The following DGKH variants were observed in gnomAD, a reference collection of about 807,000 sequenced individuals.
DGKH encodes the protein DAG kinase eta.
Under a neutral mutation model 159.3 loss-of-function variants are expected in DGKH, and 90 were observed. That is an observed-to-expected ratio of 0.57 (90% CI 0.48 to 0.67). DGKH has a LOEUF of 0.67. Among genes scored for constraint, DGKH ranks in the 30% least tolerant of loss-of-function variants. The pLI, the probability that DGKH is intolerant of heterozygous loss-of-function variation, is 0.00. For missense variants in DGKH, 1,181 were observed against 1,506.1 expected (o/e 0.78, Z 3.57); for synonymous variants, 536 against 553.8 (o/e 0.97, Z 0.45).
chr13:42,227,251 T>G (rs1958156165), intron 29 of DGKH, among the ~76,000 whole-genome samples: 1 of 152,180 alleles, frequency 6.6e-6, no homozygotes, highest in Non-Finnish European at 1.5e-5. Flanking sequence ...ACATGTATCC[T>G]GGAACTTAAA....
chr13:42,117,074 G>A (rs1436874931), intron 1 of DGKH, among the ~76,000 whole-genome samples: 1 of 152,158 alleles, frequency 6.6e-6, no homozygotes, highest in Non-Finnish European at 1.5e-5. Flanking sequence ...CTAAATGGCA[G>A]TTAATACAAA....
At chr13:42,194,735 G>A in intron 16 of DGKH, 150 bp from the exon 17 acceptor site, 1 of 879,678 alleles carries the variant, frequency 1.1e-6, no homozygotes, top group Non-Finnish European at 1.6e-6. Context: ...CTCCATGTAA[G>A]TCTCAAGAAA....
intron 11 of DGKH, among the ~76,000 whole-genome samples, chr13:42,172,604 T>C (rs889768789): frequency 7.2e-5 from 11 of 152,244 alleles, no homozygotes; most frequent in African/African-American, 1.9e-4. Context: ...AGCTGTGTTA[T>C]GCTTTTCTTA....
chr13:42,086,073 A>C (rs1954295640), intron 1 of DGKH, among the ~76,000 whole-genome samples: 1 of 152,012 alleles, frequency 6.6e-6, no homozygotes, highest in Admixed American at 6.6e-5. Context: ...ATGCACCACT[A>C]CACCCACCTA....
rs377502441 is a variant in DGKH at position 42,187,086 on chromosome 13, G to T, written c.1576G>T (p.Val526Leu). Residue 526 changes from valine (V) to leucine (L), a missense_variant, in exon 14 of 30, where the codon GTA (valine) becomes TTA (leucine). Physicochemically the swap from Val to Leu is conservative, Grantham distance 32 (BLOSUM62 1). Transcript: ENST00000337343. ...CETVKDFVAK[V>L]EKTYDKTLEN... is the part of the protein sequence containing the mutation. ...AACTGTAAAGGACTTCGTTGCCAAA[G>T]TAGAAAAGACGTATGACAAAACCTT... The T allele has an allele frequency of 9.3e-6, 15 of 1,613,994 alleles. No homozygotes were observed. The highest frequency in any genetic ancestry group is 1.3e-5 in the Non-Finnish European group (15 of 1,179,994).
At chr13:42,082,665 T>C (rs535822920) in intron 1 of DGKH, among the ~76,000 whole-genome samples, 1 of 152,322 alleles carries the variant, frequency 6.6e-6, no homozygotes, top group South Asian at 2.1e-4. Flanking sequence ...TATTTTCAAG[T>C]CACCATTTTC....
chr13:42,219,712 GAAC>G lies in DGKH; in HGVS notation c.3365_3367del (p.Asn1122del), dbSNP rs553345635. 9.9e-5 allele frequency: 160 copies of G among 1,613,676 alleles called. No homozygotes were observed. The African/African-American group carries it at 1.7e-3, about 17-fold the overall frequency. On this transcript the variant is annotated inframe_deletion, in exon 28 of 30. Coordinates refer to ENST00000337343, the MANE Select transcript of DGKH (RefSeq NM_178009.5). ...AACCTCCTATGGATTGCACCAAAAG[GAAC>G]AACAGAAGCACCGTATTTCGAATAG...
upstream of DGKH, among the ~76,000 whole-genome samples, chr13:42,044,692 G>A (rs533853069): frequency 1.3e-5 from 2 of 152,146 alleles, no homozygotes; most frequent in African/African-American, 4.8e-5. Flanking sequence ...TTAAATAAAC[G>A]ATCAGCCTTA....
intron 1 of DGKH, among the ~76,000 whole-genome samples, chr13:42,084,156 A>G (rs1185264517): frequency 6.6e-6 from 1 of 152,230 alleles, no homozygotes; most frequent in Non-Finnish European, 1.5e-5. Context: ...TATTTAATAT[A>G]AAAGACAATA....
intron 1 of DGKH, among the ~76,000 whole-genome samples, chr13:42,119,973 T>A (rs1331726705): frequency 6.6e-6 from 1 of 152,216 alleles, no homozygotes; most frequent in African/African-American, 2.4e-5. Context: ...GATACTTCCT[T>A]TCTACTGTGG....
chr13:42,045,076 G>A (rs1312169040), upstream of DGKH, among the ~76,000 whole-genome samples: 1 of 152,184 alleles, frequency 6.6e-6, no homozygotes, highest in Non-Finnish European at 1.5e-5. Flanking sequence ...AGGATCTCTT[G>A]AGGCCAGGAG....
chr13:42,151,635 C>T (rs1191441353), intron 3 of DGKH, among the ~76,000 whole-genome samples: 1 of 145,374 alleles, frequency 6.9e-6, no homozygotes, highest in Non-Finnish European at 1.5e-5. Flanking sequence ...ACTACTCAGT[C>T]ATAAAAAAGA....
chr13:42,248,646 T>C (rs1360408921), intron 29 of DGKH, among the ~76,000 whole-genome samples: 1 of 148,038 alleles, frequency 6.8e-6, no homozygotes, highest in African/African-American at 2.5e-5. Flanking sequence ...TATATAATTA[T>C]GATATATATT....
At chr13:42,142,215 G>A (rs113266548) in intron 3 of DGKH, among the ~76,000 whole-genome samples, 11,957 of 152,164 alleles carry the variant, frequency 0.079, 597 homozygotes, top group Middle Eastern at 0.14. Context: ...TAGATATGTG[G>A]CATTATTTCT....
rs142086028 is a variant in DGKH, at chr13:42,211,858, A to G, written c.3014+1093A>G. Reference sequence around the variant, plus strand: ...GGGAACTGCCCTTTATAAAGCCATCACATCTTGTGAGACTTAGTCACTATC... The same window carrying G: ...GGGAACTGCCCTTTATAAAGCCATCGCATCTTGTGAGACTTAGTCACTATC... On this transcript the variant is annotated intron_variant, in intron 24 of 29. Transcript: ENST00000337343. Among the ~76,000 whole-genome samples the G allele has an allele frequency of 3.5e-4, 53 of 152,320 alleles. No individual in the cohort carries two copies. In the East Asian group the frequency reaches 0.01, roughly 29 times the overall value.
chr13:42,137,257 C>A (rs1337863530), intron 3 of DGKH, among the ~76,000 whole-genome samples: 3 of 152,182 alleles, frequency 2.0e-5, no homozygotes, highest in South Asian at 2.1e-4. Context: ...TGTGAATGCA[C>A]ACACACAAAA....
intron 1 of DGKH, among the ~76,000 whole-genome samples, chr13:42,081,699 A>T (rs1435513572): frequency 6.6e-6 from 1 of 152,130 alleles, no homozygotes; most frequent in Admixed American, 6.5e-5. Flanking sequence ...AATTCTTCTG[A>T]TATGTCCCCA....
intron 1 of DGKH, among the ~76,000 whole-genome samples, chr13:42,121,066 T>TACACACACACACACACACAACATGCGC (rs1555262943): frequency 2.1e-5 from 3 of 144,734 alleles, no homozygotes; most frequent in Non-Finnish European, 3.1e-5. Context: ...ATATATATTA[T>TACACACACACACACACACAACATGCGC]ACACACACAC....
intron 1 of DGKH, among the ~76,000 whole-genome samples, chr13:42,049,279 G>A (rs1046833234): frequency 6.6e-6 from 1 of 152,134 alleles, no homozygotes; most frequent in African/African-American, 2.4e-5. Context: ...GGGCTCCCAG[G>A]GAGTTCGACT....
Sources: allele counts gnomAD v4.1 joint callset (sites outside exome capture counted in the v4.1 genomes callset), GRCh38; gene constraint gnomAD v4.1.1; transcripts MANE v1.5; gene names NCBI Gene and HGNC (gene_info 2026-07-23, HGNC 2026-07-21).